The following CTCFL variants were observed in gnomAD, a reference collection of about 807,000 sequenced individuals.
CTCFL encodes the protein transcriptional repressor CTCFL.
CTCFL carries 36 observed loss-of-function variants against 67.4 expected under a neutral mutation model. That is an observed-to-expected ratio of 0.53 (90% CI 0.41 to 0.71). The LOEUF (loss-of-function observed/expected upper bound fraction) is 0.71. CTCFL is among the 30% of genes least tolerant of loss of function. CTCFL has a pLI of 0.00. For synonymous variants in CTCFL, 324 were observed against 302.3 expected (o/e 1.07, Z -0.75); for missense variants, 786 against 835.2 (o/e 0.94, Z 0.73).
rs999173924 is a variant in CTCFL, at chr20:57,498,597, C to T, written c.1945G>A (p.Asp649Asn). The change falls in exon 11 of 11, where the codon GAT becomes AAT. Residue 649 changes from aspartate to asparagine, a missense_variant. Asp to Asn is a conservative substitution (Grantham distance 23). This residue lies in a region of CTCFL where 199 missense variants were observed against 196.7 expected (regional missense o/e 1.01). Transcript: ENST00000243914. ...ETTARVKEEVDEGVTCEMLLN... is the reference protein window; with the variant it reads ...ETTARVKEEVNEGVTCEMLLN... ...AGCATTTCACAGGTCACGCCTTCAT[C>T]CACTTCCTCTTTGACTCTGGCTGTG... is the stretch of plus-strand genomic sequence containing the variant. 5 of 1,614,180 alleles carry T rather than the reference C, an allele frequency of 3.1e-6. No individual in the cohort carries two copies. Among genetic ancestry groups the T allele is most frequent in the Non-Finnish European group, 3.4e-6 (4 of 1,180,008 alleles).
At chr20:57,512,827 CG>C in intron 7 of CTCFL, 75 bp from the exon 8 acceptor site, 2 of 1,447,844 alleles carry the variant, frequency 1.4e-6, no homozygotes, top group Non-Finnish European at 1.9e-6. Context: ...TCCTCTAAAC[CG>C]GGGTTTCTCA....
chr20:57,523,304 T>C, intron 2 of CTCFL, 26 bp from the exon 3 acceptor site: 1 of 1,584,432 alleles, frequency 6.3e-7, no homozygotes, highest in Non-Finnish European at 8.6e-7. Context: ...TATTCAAATA[T>C]GATACTATTG....
intron 3 of CTCFL, among the ~76,000 whole-genome samples, chr20:57,522,503 CCT>C (rs929208460): frequency 1.3e-5 from 2 of 152,154 alleles, no homozygotes; most frequent in Non-Finnish European, 2.9e-5. Context: ...GACCCATCCA[CCT>C]CTCTGAGCAC....
chr20:57,515,441 G>A, intron 6 of CTCFL: 1 of 395,628 alleles, frequency 2.5e-6, no homozygotes, highest in Non-Finnish European at 4.7e-6. Flanking sequence ...CACCATGCCT[G>A]GCCAGGAGTT....
chr20:57,520,952 A>T (rs2069310281), intron 3 of CTCFL, among the ~76,000 whole-genome samples: 1 of 152,254 alleles, frequency 6.6e-6, no homozygotes, highest in Non-Finnish European at 1.5e-5. Flanking sequence ...AAAGAGATGT[A>T]GAGACATACA....
At chr20:57,515,616 C>T (rs2068858946) in intron 6 of CTCFL, 98 bp downstream of exon 6, 1 of 1,517,594 alleles carries the variant, frequency 6.6e-7, no homozygotes. Context: ...TCCACTTTTA[C>T]CTTTGAACTT....
rs73297585 is a variant in CTCFL, at chr20:57,501,927, C to T, written c.1840+1509G>A. Among the ~76,000 whole-genome samples the T allele has an allele frequency of 4.6e-3, 702 of 152,314 alleles. 5 individuals are homozygous for T. Among genetic ancestry groups the T allele is most frequent in the African/African-American group, 0.016 (659 of 41,576 alleles). ...CCCCACCCTGTGATGGAGCTCTCTC[C>T]CTGTCAGATGGATGACAGTGCCCCC... On this transcript the variant is annotated intron_variant, in intron 10 of 10. Transcript: ENST00000243914.
At chr20:57,525,471 T>G, upstream of CTCFL, 1 of 112,712 alleles carries the variant, frequency 8.9e-6, no homozygotes, top group African/African-American at 3.6e-5. Flanking sequence ...GGCACGGAAA[T>G]ACCTTGGGGT....
At position 57,502,364 on chromosome 20, in the gene CTCFL, A is replaced by G. The variant is rs148689288; in HGVS notation, c.1840+1072T>C. On this transcript the variant is annotated intron_variant, in intron 10 of 10. Transcript: ENST00000243914. ...ATACATGATGAACATTTTTTTTAGT[A>G]TAAGTATATCCCAAATAGTGCATGG... 2.9e-3 allele frequency among the ~76,000 whole-genome samples: 437 copies of G among 150,828 alleles called. 1 individual carries two copies. Among genetic ancestry groups the G allele is most frequent in the African/African-American group, 0.01 (408 of 40,136 alleles).
intron 6 of CTCFL, 149 bp from the exon 7 acceptor site, chr20:57,514,890 A>T: frequency 1.3e-6 from 1 of 744,452 alleles, no homozygotes; most frequent in Non-Finnish European, 2.2e-6. Context: ...GAGACTCCCA[A>T]ATCAAGCCCA....
chr20:57,514,618 G>A lies in CTCFL; in HGVS notation c.1304C>T (p.Thr435Ile). ...VPKYQCPHCATIIARKSDLRV... is the reference protein window; with the variant it reads ...VPKYQCPHCAIIIARKSDLRV... ...TAGGTCGCTTTTCCGTGCAATGATGGTGGCACAATGGGGACACTGGTATTT... is the reference window on the plus strand; with the variant it reads ...TAGGTCGCTTTTCCGTGCAATGATGATGGCACAATGGGGACACTGGTATTT... The change falls in exon 7 of 11, where the codon ACC (threonine) becomes ATC (isoleucine). Residue 435 changes from threonine to isoleucine, a missense_variant. Physicochemically the swap from Thr to Ile is moderately conservative, Grantham distance 89. Coordinates refer to ENST00000243914, the MANE Select transcript of CTCFL (RefSeq NM_001386993.1). 2 of 1,614,216 alleles carry A rather than the reference G, an allele frequency of 1.2e-6. No individual in the cohort carries two copies. Among genetic ancestry groups the A allele is most frequent in the Non-Finnish European group, 1.7e-6 (2 of 1,180,040 alleles).
chr20:57,516,755 C>T (rs2068952319), intron 5 of CTCFL, among the ~76,000 whole-genome samples: 1 of 152,194 alleles, frequency 6.6e-6, no homozygotes, highest in African/African-American at 2.4e-5. Flanking sequence ...AAATTAAATT[C>T]TAATTTGAGT....
chr20:57,520,927 C>T (rs1397312348), intron 3 of CTCFL, among the ~76,000 whole-genome samples: 1 of 152,084 alleles, frequency 6.6e-6, no homozygotes, highest in African/African-American at 2.4e-5. Context: ...GACTGGTGTC[C>T]TTATAAGAAG....
rs145019535 is a variant in CTCFL at position 57,524,173 on chromosome 20, C to T, written c.33G>A (p.Glu11=). ...CGAGTTCTTTGATCTTGGTGAATTG[C>T]TCAGAAAGGACAGAGATCTCAGTGG... MAATEISVLS[E]QFTKIKELEL... is the part of the protein sequence containing the mutation. Residue 11 remains glutamate, a synonymous_variant, in exon 2 of 11, where the codon GAG becomes GAA. Coordinates refer to ENST00000243914, the MANE Select transcript of CTCFL (RefSeq NM_001386993.1). 322 of 1,613,270 alleles carry T rather than the reference C, an allele frequency of 2.0e-4. 1 individual carries two copies. In the African/African-American group the frequency reaches 3.8e-3, roughly 19 times the overall value.
chr20:57,508,536 G>A, intron 9 of CTCFL, 70 bp downstream of exon 9: 2 of 1,465,030 alleles, frequency 1.4e-6, no homozygotes, highest in Middle Eastern at 1.8e-4. Flanking sequence ...AACTCTCCTG[G>A]TGTGACACTG....
intron 9 of CTCFL, among the ~76,000 whole-genome samples, chr20:57,504,022 G>A (rs1402870852): frequency 2.0e-5 from 3 of 152,130 alleles, no homozygotes; most frequent in Non-Finnish European, 4.4e-5. Context: ...ACTCGCCCAG[G>A]CTGGAGTGCA....
rs776180915 is a variant in CTCFL, at chr20:57,514,560, T to C, written c.1330+32A>G. The C allele has an allele frequency of 2.5e-6, 4 of 1,611,340 alleles. No individual in the cohort carries two copies. The African/African-American group carries it at 4.0e-5, about 16-fold the overall frequency. On this transcript the variant is annotated intron_variant, in intron 7 of 10. Transcript: ENST00000243914. ...CACGCTCCAAAGAGCCAGCAAATGC[T>C]GTAGTAAAAGAAAGATCGCTAAACC... is the stretch of plus-strand genomic sequence containing the variant.
intron 7 of CTCFL, chr20:57,513,695 G>C (rs543779959): frequency 8.4e-7 from 1 of 1,188,448 alleles, no homozygotes; most frequent in East Asian, 6.1e-5. Context: ...TAAAAGTGAA[G>C]ACTTTGTGGA....
chr20:57,518,410 T>C (rs923368672), intron 5 of CTCFL: 2 of 811,070 alleles, frequency 2.5e-6, no homozygotes, highest in Non-Finnish European at 3.5e-6. Flanking sequence ...AGATTGGATC[T>C]GCATTCTACG....
Sources: allele counts gnomAD v4.1 joint callset (sites outside exome capture counted in the v4.1 genomes callset), GRCh38; gene constraint gnomAD v4.1.1; regional missense constraint gnomAD v4.1.1; transcripts MANE v1.5; gene names NCBI Gene and HGNC (gene_info 2026-07-23, HGNC 2026-07-21).